Variants in NLGN1 observed in about 807,000 individuals in gnomAD.
The protein encoded by NLGN1 is neuroligin 1.
In NLGN1, 12 loss-of-function variants were observed where a neutral mutation model predicts 65.5. The observed-to-expected ratio is 0.18, with a 90% confidence interval of 0.12 to 0.30. NLGN1 has a LOEUF of 0.30. Among genes scored for constraint, NLGN1 ranks in the 10% least tolerant of loss-of-function variants. NLGN1 has a pLI of 1.00. For synonymous variants in NLGN1, 350 were observed against 359.5 expected (o/e 0.97, Z 0.30); for missense variants, 750 against 1,007.1 (o/e 0.74, Z 3.46).
chr3:173,745,641 T>C (rs1438057213), intron 3 of NLGN1, among the ~76,000 whole-genome samples: 1 of 151,982 alleles, frequency 6.6e-6, no homozygotes, highest in African/African-American at 2.4e-5. Context: ...CCTAACATTT[T>C]ATAGATGAGA....
intron 4 of NLGN1, among the ~76,000 whole-genome samples, chr3:174,238,691 C>T (rs1330764423): frequency 6.6e-6 from 1 of 152,136 alleles, no homozygotes; most frequent in African/African-American, 2.4e-5. Flanking sequence ...TTTTCTCCCT[C>T]TTACAGTTTC....
chr3:173,546,998 T>C (rs1739968791), intron 2 of NLGN1, among the ~76,000 whole-genome samples: 1 of 152,180 alleles, frequency 6.6e-6, no homozygotes, highest in Non-Finnish European at 1.5e-5. Flanking sequence ...AGTCCCTTGC[T>C]TACTCCCTGG....
intron 2 of NLGN1, among the ~76,000 whole-genome samples, chr3:173,447,463 T>C (rs1470125447): frequency 1.3e-5 from 2 of 152,246 alleles, no homozygotes; most frequent in Non-Finnish European, 2.9e-5. Context: ...TTTTGGTTAC[T>C]GTAGCCTTGT....
intron 2 of NLGN1, among the ~76,000 whole-genome samples, chr3:173,584,102 CAG>C (rs1746858160): frequency 6.6e-6 from 1 of 151,248 alleles, no homozygotes; most frequent in East Asian, 1.9e-4. Context: ...CCAGAGGAGA[CAG>C]AAACACAGAA....
chr3:173,502,193 C>A (rs1313363219), intron 2 of NLGN1, among the ~76,000 whole-genome samples: 1 of 152,046 alleles, frequency 6.6e-6, no homozygotes, highest in African/African-American at 2.4e-5. Context: ...AGTGGATATT[C>A]TATTTTTCAA....
intron 4 of NLGN1, among the ~76,000 whole-genome samples, chr3:174,216,157 G>T (rs1737560625): frequency 6.6e-6 from 1 of 152,036 alleles, no homozygotes; most frequent in Admixed American, 6.6e-5. Flanking sequence ...ACAAATTTAG[G>T]TGTTGCATTA....
At chr3:173,876,891 C>G (rs754146900) in intron 4 of NLGN1, among the ~76,000 whole-genome samples, 12 of 151,880 alleles carry the variant, frequency 7.9e-5, no homozygotes, top group Non-Finnish European at 1.3e-4. Context: ...CTCTTCATTA[C>G]CAAGGAATTG....
At chr3:174,124,702 A>G (rs1168023279) in intron 4 of NLGN1, among the ~76,000 whole-genome samples, 1 of 149,064 alleles carries the variant, frequency 6.7e-6, no homozygotes, top group East Asian at 1.9e-4. Flanking sequence ...CACTTATAGT[A>G]TATACTTATA....
At chr3:174,146,122 TTCCTTCCTTCCTTCCTTCCTTCC>T (rs1723201379) in intron 4 of NLGN1, among the ~76,000 whole-genome samples, 1 of 149,346 alleles carries the variant, frequency 6.7e-6, no homozygotes, top group Admixed American at 6.6e-5. Flanking sequence ...CCTTCCTTCC[TTCCTTCCTTCCTTCCTTCCTTCC>T]TTCCTTCCTC....
At chr3:173,729,512 A>G (rs939190730) in intron 3 of NLGN1, among the ~76,000 whole-genome samples, 1 of 152,076 alleles carries the variant, frequency 6.6e-6, no homozygotes, top group Non-Finnish European at 1.5e-5. Context: ...GGTTTAAAAT[A>G]CACACACTTA....
chr3:173,958,268 G>A (rs1009919294), intron 4 of NLGN1, among the ~76,000 whole-genome samples: 47 of 152,174 alleles, frequency 3.1e-4, no homozygotes, highest in African/African-American at 9.2e-4. Flanking sequence ...CTGACATCCC[G>A]GAAAAACGAA....
intron 4 of NLGN1, among the ~76,000 whole-genome samples, chr3:173,898,744 C>T (rs1736794993): frequency 6.6e-6 from 1 of 152,132 alleles, no homozygotes; most frequent in Admixed American, 6.6e-5. Context: ...TTGTATGCTA[C>T]TTTGACAAGG....
chr3:173,764,048 C>T (rs1257833100), intron 3 of NLGN1, among the ~76,000 whole-genome samples: 1 of 152,006 alleles, frequency 6.6e-6, no homozygotes, highest in Non-Finnish European at 1.5e-5. Flanking sequence ...TTTTTTAAAC[C>T]TTGTTTTCTC....
intron 4 of NLGN1, among the ~76,000 whole-genome samples, chr3:173,847,935 A>G (rs1419863826): frequency 5.3e-5 from 8 of 152,192 alleles, no homozygotes; most frequent in African/African-American, 1.7e-4. Context: ...AAATTCATCT[A>G]CTTTCACCTT....
intron 3 of NLGN1, among the ~76,000 whole-genome samples, chr3:173,691,956 T>C (rs192558844): frequency 6.6e-6 from 1 of 152,206 alleles, no homozygotes; most frequent in East Asian, 1.9e-4. Context: ...GACTGCACAA[T>C]GCATCTCTTT....
chr3:173,689,232 C>T (rs1038971389), intron 3 of NLGN1, among the ~76,000 whole-genome samples: 2 of 152,068 alleles, frequency 1.3e-5, no homozygotes, highest in African/African-American at 2.4e-5. Flanking sequence ...TGCAGCATGG[C>T]GAAATCAAAC....
chr3:174,111,105 T>G, intron 4 of NLGN1, among the ~76,000 whole-genome samples: 1 of 151,996 alleles, frequency 6.6e-6, no homozygotes, highest in Non-Finnish European at 1.5e-5. Context: ...AAAGGTATCT[T>G]AAAGAGTTAA....
intron 4 of NLGN1, among the ~76,000 whole-genome samples, chr3:173,902,011 T>C (rs893453996): frequency 6.6e-6 from 1 of 152,058 alleles, no homozygotes; most frequent in Non-Finnish European, 1.5e-5. Flanking sequence ...TGGATTTTAT[T>C]ATTAGTACTT....
chr3:173,648,720 A>G (rs528405390), intron 3 of NLGN1, among the ~76,000 whole-genome samples: 55 of 152,164 alleles, frequency 3.6e-4, no homozygotes, highest in Non-Finnish European at 3.7e-4. Flanking sequence ...GATTACAGGC[A>G]TGCACCACCA....
Sources: gnomAD v4.1 joint callset for allele counts (sites outside exome capture counted in the v4.1 genomes callset) on GRCh38, gnomAD v4.1.1 for gene constraint, MANE v1.5 for transcripts, NCBI Gene and HGNC (gene_info 2026-07-23, HGNC 2026-07-21) for gene names.